The following PKM variants were observed in gnomAD, a reference collection of about 807,000 sequenced individuals.
The protein encoded by PKM is pyruvate kinase M1/2, also known as pyruvate kinase PKM.
A neutral mutation model predicts 49.8 loss-of-function variants in PKM; 18 were observed. That is an observed-to-expected ratio of 0.36 (90% confidence interval 0.25 to 0.54). The LOEUF is 0.54. PKM is among the 20% of genes least tolerant of loss of function. The pLI is 0.89. For synonymous variants in PKM, 239 were observed against 261.8 expected (o/e 0.91, Z 0.84); for missense variants, 508 against 713.8 (o/e 0.71, Z 3.28).
intron 1 of PKM, among the ~76,000 whole-genome samples, chr15:72,224,678 T>C (rs1187637539): frequency 6.6e-6 from 1 of 151,912 alleles, no homozygotes; most frequent in Non-Finnish European, 1.5e-5. Flanking sequence ...GCCTGGCTAA[T>C]ATGGTGAAAC....
Position 72,200,937 on chromosome 15 carries a change from C to CGA in PKM, c.1308-283_1308-282insTC. On this transcript the variant is annotated intron_variant, in intron 9 of 10. Transcript: ENST00000335181. This position sits in a 1 kb window ranked among gnomAD's most constrained non-coding sequence, Gnocchi z 4.6. ...AGCCTCACCCACTTACCCCACACAG[C>CGA]CCATGGTTGGCAGAACCCCTCCTAC... The CGA allele has an allele frequency of 2.5e-6, 1 of 397,774 alleles. No individual in the cohort carries two copies. Among genetic ancestry groups the CGA allele is most frequent in the Non-Finnish European group, 4.6e-6 (1 of 216,200 alleles). The allele number at this position is 397,774 out of a possible 1,614,324, so 24.6% of individuals were successfully genotyped here.
At position 72,199,773 on chromosome 15, in the gene PKM, G is replaced by A; in HGVS notation, c.1490-17C>T. 1 of 1,575,232 alleles carries A rather than the reference G, an allele frequency of 6.3e-7. No individual in the cohort carries two copies. Among genetic ancestry groups the A allele is most frequent in the Non-Finnish European group, 8.7e-7 (1 of 1,146,480 alleles). The stretch of plus-strand genomic sequence containing the variant: ...GGGCCTTGCCTGGAGGAAGAGAAGG[G>A]AGGTTGGTGAGTAAAAGCCAAGCCA... On this transcript the variant is annotated splice_polypyrimidine_tract_variant and intron_variant, in intron 10 of 10. Coordinates refer to ENST00000335181, the MANE Select transcript of PKM (RefSeq NM_002654.6).
intron 7 of PKM, 86 bp from the exon 8 acceptor site, chr15:72,206,966 T>C (rs904324887): frequency 6.5e-7 from 1 of 1,532,000 alleles, no homozygotes; most frequent in Admixed American, 1.7e-5. Flanking sequence ...GGATAGTGAG[T>C]AGGTACACAG....
intron 5 of PKM, 37 bp downstream of exon 5, chr15:72,209,636 C>T: frequency 6.3e-7 from 1 of 1,583,832 alleles, no homozygotes; most frequent in Non-Finnish European, 8.7e-7. Flanking sequence ...AGACAAAAGA[C>T]TGTTTTAGAC....
At chr15:72,214,316 A>G (rs1196608117) in intron 3 of PKM, among the ~76,000 whole-genome samples, 2 of 152,242 alleles carry the variant, frequency 1.3e-5, no homozygotes, top group East Asian at 1.9e-4. Flanking sequence ...GTAAAACCAT[A>G]TATTATAAAC....
At position 72,203,398 on chromosome 15, in the gene PKM, G is replaced by A. The variant is rs8192423; in HGVS notation, c.1141-778C>T. On this transcript the variant is annotated intron_variant, in intron 8 of 10. Coordinates refer to ENST00000335181, the MANE Select transcript of PKM (RefSeq NM_002654.6). Reference sequence around the variant, plus strand: ...GTGCTGCCACTTCCCCTCCAATACAGGGGAAATTGGCTCTTCCCTTCTGGA... The same window carrying A: ...GTGCTGCCACTTCCCCTCCAATACAAGGGAAATTGGCTCTTCCCTTCTGGA... The A allele has an allele frequency of 6.5e-5, 38 of 587,312 alleles. 1 individual carries two copies. Among genetic ancestry groups the A allele is most frequent in the East Asian group, 3.2e-4 (11 of 34,774 alleles). 36.4% of individuals were successfully genotyped at this position (587,312 alleles called of 1,614,324 possible).
intron 1 of PKM, among the ~76,000 whole-genome samples, chr15:72,219,764 A>G (rs1333806127): frequency 6.6e-6 from 1 of 152,264 alleles, no homozygotes; most frequent in African/African-American, 2.4e-5. Context: ...CAAGGATAAC[A>G]TAAGGGCACT....
In PKM at chr15:72,217,490, G is replaced by A; in HGVS notation, c.165C>T (p.Ser55=). The A allele has an allele frequency of 6.2e-7, 1 of 1,605,884 alleles. No individual in the cohort carries two copies. The highest frequency in any genetic ancestry group is 8.5e-7 in the Non-Finnish European group (1 of 1,172,656). Residue 55 remains serine (S), a synonymous_variant, in exon 3 of 11, where the codon TCC becomes TCT. Coordinates refer to ENST00000335181, the MANE Select transcript of PKM (RefSeq NM_002654.6). ...TCTCCTTCAACGTCTCCACTGATCG[G>A]GAAGCTGGGCCTATTAGGAAAAGTT... ...TGIICTIGPA[S]RSVETLKEMI... is the part of the protein sequence containing the mutation.
At chr15:72,222,924 T>A (rs1292029937) in intron 1 of PKM, among the ~76,000 whole-genome samples, 1 of 151,892 alleles carries the variant, frequency 6.6e-6, no homozygotes. Flanking sequence ...TATATTAGTT[T>A]CCTTTGTGTC....
intron 1 of PKM, chr15:72,222,563 C>T: frequency 6.6e-6 from 1 of 152,440 alleles, no homozygotes; most frequent in East Asian, 1.9e-4. Flanking sequence ...TGCCAGCTGC[C>T]TGGACAGTGC....
chr15:72,205,673 C>T (rs139048242), intron 8 of PKM, among the ~76,000 whole-genome samples: 5 of 113,796 alleles, frequency 4.4e-5, no homozygotes, highest in Admixed American at 3.2e-4. Context: ...CAGGGGGTGG[C>T]GTTTTAAACT....
At position 72,202,323 on chromosome 15, in the gene PKM, C is replaced by T. The variant is rs563470536; in HGVS notation, c.1307+131G>A. 7.0e-5 allele frequency: 64 copies of T among 918,998 alleles called. No individual in the cohort carries two copies. The South Asian group carries it at 7.4e-4, about 11-fold the overall frequency. The allele number at this position is 918,998 out of a possible 1,614,324, so 56.9% of individuals were successfully genotyped here. On this transcript the variant is annotated intron_variant, in intron 9 of 10. Transcript: ENST00000335181. The surrounding 1 kb of genome is among the most constrained non-coding windows in gnomAD (Gnocchi z 4.5). ...TCTGCTCAATCCTTCCCTGCAGGCCCAAGGTGGCAGGCAGAGGGGTCTTAC... is the reference window on the plus strand; with the variant it reads ...TCTGCTCAATCCTTCCCTGCAGGCCTAAGGTGGCAGGCAGAGGGGTCTTAC...
intron 1 of PKM, chr15:72,229,825 C>T (rs1355231350): frequency 3.1e-5 from 14 of 458,472 alleles, no homozygotes; most frequent in East Asian, 3.0e-4. Flanking sequence ...GATTTCCTGC[C>T]CCCTCCGTAA....
intron 8 of PKM, 34 bp downstream of exon 8, chr15:72,206,694 A>G (rs1193831592): frequency 6.2e-7 from 1 of 1,607,904 alleles, no homozygotes; most frequent in Non-Finnish European, 8.5e-7. Flanking sequence ...CCCAGTCCGA[A>G]GCCCTGGGGG....
In PKM at chr15:72,228,945, C is replaced by T. The variant is rs115629039; in HGVS notation, c.-14+2171G>A. 2.4e-3 allele frequency among the ~76,000 whole-genome samples: 360 copies of T among 152,344 alleles called. 3 individuals carry two copies. Among genetic ancestry groups the T allele is most frequent in the African/African-American group, 8.1e-3 (338 of 41,586 alleles). On this transcript the variant is annotated intron_variant, in intron 1 of 10. Transcript: ENST00000335181. ...ACAGCGGAACACCAAAGGCTTAACTCAGCCCCTCCTTGCCTGCCTTTGTCT... is the reference window on the plus strand; with the variant it reads ...ACAGCGGAACACCAAAGGCTTAACTTAGCCCCTCCTTGCCTGCCTTTGTCT...
chr15:72,214,232 G>T (rs998789190), intron 3 of PKM, among the ~76,000 whole-genome samples: 18 of 152,062 alleles, frequency 1.2e-4, no homozygotes, highest in East Asian at 3.8e-4. Context: ...AAACGTGGGG[G>T]TTTTTTTGGT....
At chr15:72,226,422 C>T (rs573865080) in intron 1 of PKM, among the ~76,000 whole-genome samples, 1 of 152,174 alleles carries the variant, frequency 6.6e-6, no homozygotes, top group East Asian at 1.9e-4. Flanking sequence ...CCCAGCTACT[C>T]AGGAGGCTGA....
In PKM at chr15:72,202,650, G is replaced by T. The variant is rs763854392; in HGVS notation, c.1141-30C>A. On this transcript the variant is annotated intron_variant, in intron 8 of 10. Coordinates refer to ENST00000335181, the MANE Select transcript of PKM (RefSeq NM_002654.6). The surrounding 1 kb of genome is among the most constrained non-coding windows in gnomAD (Gnocchi z 4.5). ...GGGAGCAACATCCGTCCAGAGGGACGAGAGGGGGACAGAGCTTTGTCAGAG... is the reference window on the plus strand; with the variant it reads ...GGGAGCAACATCCGTCCAGAGGGACTAGAGGGGGACAGAGCTTTGTCAGAG... The T allele has an allele frequency of 6.3e-7, 1 of 1,593,844 alleles. No individual in the cohort carries two copies. Among genetic ancestry groups the T allele is most frequent in the Non-Finnish European group, 8.6e-7 (1 of 1,165,262 alleles).
At chr15:72,210,126 T>C (rs2082211748) in intron 4 of PKM, 4 of 655,866 alleles carry the variant, frequency 6.1e-6, no homozygotes, top group Non-Finnish European at 1.0e-5. Flanking sequence ...TTTAGGTTTT[T>C]AGGGTAAAAA....
Sources: allele counts gnomAD v4.1 joint callset (sites outside exome capture counted in the v4.1 genomes callset), GRCh38; gene constraint gnomAD v4.1.1; non-coding constraint Gnocchi (gnomAD v3.1); transcripts MANE v1.5; gene names NCBI Gene and HGNC (gene_info 2026-07-23, HGNC 2026-07-21).